NCS1: variants seen among roughly 807,000 people sequenced by gnomAD.
NCS1 encodes the protein frequenin homolog.
Under a neutral mutation model 28.4 loss-of-function variants are expected in NCS1, and 6 were observed. The observed-to-expected ratio is 0.21, with a 90% CI of 0.12 to 0.42. The LOEUF (loss-of-function observed/expected upper bound fraction) is 0.42, where lower values mean the gene tolerates loss of function less well. Ranked by LOEUF, NCS1 falls within the 10% of genes least tolerant of loss-of-function variation. The pLI is 1.00. For missense variants in NCS1, 131 were observed against 241.4 expected, an observed-to-expected ratio of 0.54 and a Z score of 3.03; for synonymous variants, 86 against 99.3, an observed-to-expected ratio of 0.87 and a Z score of 0.79.
chr9:130,224,904 T>G (rs77305895), intron 6 of NCS1, among the ~76,000 whole-genome samples: 4,857 of 152,156 alleles, frequency 0.032, 241 homozygotes, highest in African/African-American at 0.11. Flanking sequence ...CAAAATAACA[T>G]AAAATGGTCA....
chr9:130,182,874 C>T (rs1160442076), intron 1 of NCS1, among the ~76,000 whole-genome samples: 1 of 152,236 alleles, frequency 6.6e-6, no homozygotes, highest in African/African-American at 2.4e-5. Flanking sequence ...TCGGAGGTAT[C>T]TGTCCGACAG....
At position 130,211,966 on chromosome 9, in the gene NCS1, T is replaced by C. The variant is rs1833118539; in HGVS notation, c.90-5866T>C. 2.0e-5 allele frequency among the ~76,000 whole-genome samples: 3 copies of C among 151,930 alleles called. No individual in the cohort carries two copies. In the South Asian group the frequency reaches 6.2e-4, roughly 32 times the overall value. On this transcript the variant is annotated intron_variant, in intron 2 of 7. Coordinates refer to ENST00000372398, the MANE Select transcript of NCS1 (RefSeq NM_014286.4). ...GTCAGAGAGGCTTCTCTCAGGGAGA[T>C]GCTCTGGTGCCGAGAAGGAAGCGGT... is the stretch of plus-strand genomic sequence containing the variant.
intron 1 of NCS1, among the ~76,000 whole-genome samples, chr9:130,174,573 G>A (rs993997083): frequency 2.0e-4 from 31 of 152,134 alleles, no homozygotes; most frequent in African/African-American, 7.0e-4. Flanking sequence ...AGTGGCTCAC[G>A]CCTGTAATCC....
intron 4 of NCS1, among the ~76,000 whole-genome samples, chr9:130,221,403 TATATATATATAGAGAGAGAGAG>T (rs1303429740): frequency 4.7e-4 from 20 of 42,280 alleles, no homozygotes; most frequent in African/African-American, 1.6e-3. Context: ...TATATATATA[TATATATATATAGAGAGAGAGAG>T]AGAGAGAGAG....
intron 1 of NCS1, among the ~76,000 whole-genome samples, chr9:130,185,145 C>T (rs1588109904): frequency 6.6e-6 from 1 of 152,200 alleles, no homozygotes; most frequent in African/African-American, 2.4e-5. Context: ...GGGGGGATGT[C>T]CTTGGGCCCG....
chr9:130,180,488 T>C lies in NCS1; in HGVS notation c.64+7761T>C, dbSNP rs1316041422. On this transcript the variant is annotated intron_variant, in intron 1 of 7. Coordinates refer to ENST00000372398, the MANE Select transcript of NCS1 (RefSeq NM_014286.4). This position sits in a 1 kb window ranked among gnomAD's most constrained non-coding sequence, Gnocchi z 4.5. Reference sequence around the variant, plus strand: ...GATGAATCAATTTTCACATTCTGTGTGTGATCTATTTTGCAGGGCAGAGAG... The same window carrying C: ...GATGAATCAATTTTCACATTCTGTGCGTGATCTATTTTGCAGGGCAGAGAG... Among the ~76,000 whole-genome samples the C allele has an allele frequency of 1.3e-5, 2 of 152,190 alleles. No individual in the cohort carries two copies. Among genetic ancestry groups the C allele is most frequent in the African/African-American group, 4.8e-5 (2 of 41,442 alleles).
At position 130,177,597 on chromosome 9, in the gene NCS1, C is replaced by T. The variant is rs1554904742; in HGVS notation, c.64+4870C>T. Among the ~76,000 whole-genome samples the T allele has an allele frequency of 1.3e-5, 2 of 152,208 alleles. No individual in the cohort carries two copies. The highest frequency in any genetic ancestry group is 2.9e-5 in the Non-Finnish European group (2 of 68,026). ...AGAGACTGAGGTGGACTCTCGGCAT[C>T]GGGATGGGCATCTGGGCAAGAAACA... On this transcript the variant is annotated intron_variant, in intron 1 of 7. Transcript: ENST00000372398. This position sits in a 1 kb window ranked among gnomAD's most constrained non-coding sequence, Gnocchi z 4.4.
intron 1 of NCS1, among the ~76,000 whole-genome samples, chr9:130,182,573 CAGG>C (rs1432527732): frequency 6.6e-6 from 1 of 152,218 alleles, no homozygotes; most frequent in Non-Finnish European, 1.5e-5. Context: ...GGAAAGGCGG[CAGG>C]AGGAGAGGCG....
chr9:130,172,770 C>T (rs1317513113), intron 1 of NCS1, 43 bp downstream of exon 1: 6 of 1,153,648 alleles, frequency 5.2e-6, no homozygotes, highest in African/African-American at 5.1e-5. Context: ...CGGTCACCCC[C>T]ACACCCACCG....
At position 130,209,865 on chromosome 9, in the gene NCS1, G is replaced by A. The variant is rs1364052568; in HGVS notation, c.90-7967G>A. On this transcript the variant is annotated intron_variant, in intron 2 of 7. Transcript: ENST00000372398. The surrounding 1 kb of genome is among the most constrained non-coding windows in gnomAD (Gnocchi z 4.4). ...ACCATATCAGAAACCTCGGCTTCCC[G>A]TGGCTGGGGATCGCAGGCCCCGTTC... Among the ~76,000 whole-genome samples the A allele has an allele frequency of 6.6e-6, 1 of 152,120 alleles. No homozygotes were observed. The highest frequency in any genetic ancestry group is 1.5e-5 in the Non-Finnish European group (1 of 68,028).
chr9:130,224,348 C>T (rs1371077265), intron 6 of NCS1, among the ~76,000 whole-genome samples: 1 of 145,096 alleles, frequency 6.9e-6, no homozygotes. Context: ...GTGGAGATCG[C>T]GCCATTGCAC....
intron 1 of NCS1, among the ~76,000 whole-genome samples, chr9:130,190,696 T>C (rs896377665): frequency 6.6e-6 from 1 of 152,196 alleles, no homozygotes; most frequent in African/African-American, 2.4e-5. Context: ...GGATCATCCT[T>C]GGGGATGATA....
At chr9:130,218,290 G>A (rs957523914) in intron 3 of NCS1, among the ~76,000 whole-genome samples, 1 of 152,188 alleles carries the variant, frequency 6.6e-6, no homozygotes, top group South Asian at 2.1e-4. Flanking sequence ...ATGCACACAT[G>A]TGGGCACACA....
At chr9:130,194,561 C>T (rs782113229) in intron 1 of NCS1, among the ~76,000 whole-genome samples, 1 of 152,188 alleles carries the variant, frequency 6.6e-6, no homozygotes, top group Non-Finnish European at 1.5e-5. Context: ...TTTCTCCATC[C>T]ACTCCTCAAC....
Position 130,219,688 on chromosome 9 carries a change from G to A in NCS1, c.229-37G>A, listed in dbSNP as rs782607014. The A allele has an allele frequency of 3.4e-5, 55 of 1,606,416 alleles. 1 individual carries two copies. The South Asian group carries it at 4.1e-4, about 12-fold the overall frequency. ...TTCAGCCTGACCCGGTGGCCTGGCC[G>A]GCACTGACTGAGGCAATCCCCTCTC... On this transcript the variant is annotated intron_variant, in intron 3 of 7. Transcript: ENST00000372398. This position sits in a 1 kb window ranked among gnomAD's most constrained non-coding sequence, Gnocchi z 5.7.
intron 1 of NCS1, 31 bp downstream of exon 1, chr9:130,172,758 CG>C: frequency 7.3e-7 from 1 of 1,374,346 alleles, no homozygotes; most frequent in Non-Finnish European, 9.7e-7. Context: ...GCCCGCGCCC[CG>C]CGGTCACCCC....
chr9:130,185,662 G>T (rs1832728044), intron 1 of NCS1, among the ~76,000 whole-genome samples: 1 of 152,238 alleles, frequency 6.6e-6, no homozygotes, highest in Non-Finnish European at 1.5e-5. Flanking sequence ...CAGGAGCTGG[G>T]GCTATTTTTG....
intron 1 of NCS1, among the ~76,000 whole-genome samples, chr9:130,184,873 G>A (rs2099968953): frequency 6.6e-6 from 1 of 150,652 alleles, no homozygotes; most frequent in African/African-American, 2.4e-5. Flanking sequence ...ACCTTGATCC[G>A]CCTGTCTCAG....
intron 7 of NCS1, among the ~76,000 whole-genome samples, chr9:130,230,773 T>C (rs1833490452): frequency 6.9e-6 from 1 of 145,344 alleles, no homozygotes; most frequent in Non-Finnish European, 1.5e-5. Flanking sequence ...CCCAGTTCCC[T>C]GCCAATCTTG....
Sources: gnomAD v4.1 joint callset for allele counts (sites outside exome capture counted in the v4.1 genomes callset) on GRCh38, gnomAD v4.1.1 for gene constraint, Gnocchi (gnomAD v3.1) non-coding constraint, MANE v1.5 for transcripts, NCBI Gene and HGNC (gene_info 2026-07-23, HGNC 2026-07-21) for gene names.